Variants in KIF1A observed in about 807,000 individuals in gnomAD.
KIF1A encodes the protein kinesin-like protein KIF1A.
A neutral mutation model predicts 227.3 loss-of-function variants in KIF1A; 46 were observed. That is an observed-to-expected ratio of 0.20 (90% CI 0.16 to 0.26). KIF1A has a LOEUF of 0.26. KIF1A is among the 10% of genes least tolerant of loss of function. The pLI, the probability that KIF1A is intolerant of heterozygous loss-of-function variation, is 1.00. For synonymous variants in KIF1A, 1,022 were observed against 1,012.8 expected (o/e 1.01, Z -0.17); for missense variants, 1,683 against 2,485.9 (o/e 0.68, Z 6.87).
At chr2:240,761,134 A>G (rs2050474141) in intron 24 of KIF1A, 95 bp downstream of exon 24, 8 of 1,413,046 alleles carry the variant, frequency 5.7e-6, no homozygotes, top group Non-Finnish European at 7.8e-6. Flanking sequence ...GGGCCGGCAG[A>G]GAGCCAAGTG....
At chr2:240,787,367 G>A (rs1267030590) in intron 4 of KIF1A, 51 bp from the exon 5 acceptor site, 1 of 1,520,962 alleles carries the variant, frequency 6.6e-7, no homozygotes, top group Admixed American at 1.7e-5. Context: ...CTGCTCCCTG[G>A]ATCCCTGCCC....
intron 1 of KIF1A, among the ~76,000 whole-genome samples, chr2:240,810,090 AG>A (rs1319067030): frequency 1.3e-5 from 2 of 152,212 alleles, no homozygotes; most frequent in Non-Finnish European, 2.9e-5. Flanking sequence ...CTGGAATTAC[AG>A]GTGCGAGCCA....
At chr2:240,743,044 G>C in intron 33 of KIF1A, 60 bp from the exon 34 acceptor site, 1 of 1,367,104 alleles carries the variant, frequency 7.3e-7, no homozygotes, top group Non-Finnish European at 1.0e-6. Context: ...GGGTCAGAAG[G>C]AGACAGAAGG....
Position 240,719,732 on chromosome 2 carries a change from C to T in KIF1A, c.5021+42G>A, listed in dbSNP as rs1292300543. The stretch of plus-strand genomic sequence containing the variant: ...GGGTGGCCTGCCTGTCCCCTGTCAG[C>T]ACAGAGCTGGTGGCGGTGCTTTCCA... On this transcript the variant is annotated intron_variant, in intron 46 of 48. Coordinates refer to ENST00000498729, the MANE Select transcript of KIF1A (RefSeq NM_001244008.2). 5 of 1,498,944 alleles carry T rather than the reference C, an allele frequency of 3.3e-6. No individual in the cohort carries two copies. In the South Asian group the frequency reaches 4.0e-5, roughly 12 times the overall value. The allele number at this position is 1,498,944 out of a possible 1,614,324, so 92.9% of individuals were successfully genotyped here.
intron 6 of KIF1A, among the ~76,000 whole-genome samples, chr2:240,786,098 G>A (rs1048409218): frequency 2.6e-5 from 4 of 152,196 alleles, no homozygotes; most frequent in Admixed American, 1.3e-4. Context: ...GCCGGAGGAC[G>A]CAGACCCCCA....
chr2:240,759,578 C>T (rs1230854165), intron 25 of KIF1A, among the ~76,000 whole-genome samples: 1 of 77,686 alleles, frequency 1.3e-5, no homozygotes, highest in Non-Finnish European at 2.7e-5. Flanking sequence ...TACTCCTACT[C>T]CTCTCTGCCT....
At position 240,788,632 on chromosome 2, in the gene KIF1A, G is replaced by C. The variant is rs1270938866; in HGVS notation, c.184-402C>G. ...GGCTACAGCGCCTGGACACTGTCCTGAGGACAGTGGGGCACTTTAGGCAGG... is the reference window on the plus strand; with the variant it reads ...GGCTACAGCGCCTGGACACTGTCCTCAGGACAGTGGGGCACTTTAGGCAGG... On this transcript the variant is annotated intron_variant, in intron 3 of 48. Transcript: ENST00000498729. The surrounding 1 kb of genome is among the most constrained non-coding windows in gnomAD (Gnocchi z 6.6). 1.3e-5 allele frequency among the ~76,000 whole-genome samples: 2 copies of C among 152,068 alleles called. No homozygotes were observed. Among genetic ancestry groups the C allele is most frequent in the African/African-American group, 4.8e-5 (2 of 41,406 alleles).
intron 35 of KIF1A, 144 bp downstream of exon 35, chr2:240,741,125 G>A (rs764932359): frequency 1.8e-5 from 11 of 602,892 alleles, no homozygotes; most frequent in South Asian, 4.0e-5. Flanking sequence ...AGATGAGGCC[G>A]GGCCCACAAG....
At chr2:240,781,734 G>A (rs1026872475) in intron 10 of KIF1A, 2 of 973,104 alleles carry the variant, frequency 2.1e-6, no homozygotes, top group Non-Finnish European at 2.4e-6. Context: ...TTCCTCTCCC[G>A]TTCCCACACA....
intron 1 of KIF1A, among the ~76,000 whole-genome samples, chr2:240,814,668 T>C (rs748152011): frequency 1.3e-5 from 2 of 152,210 alleles, no homozygotes; most frequent in Non-Finnish European, 2.9e-5. Context: ...GGCTCATACC[T>C]AAAATCCCAG....
chr2:240,782,106 C>G, intron 10 of KIF1A: 2 of 985,378 alleles, frequency 2.0e-6, no homozygotes, highest in Non-Finnish European at 2.4e-6. Context: ...TCACACAGTC[C>G]CCAGCGTCGC....
chr2:240,800,897 G>A (rs964465277), intron 1 of KIF1A, among the ~76,000 whole-genome samples: 3 of 152,234 alleles, frequency 2.0e-5, no homozygotes, highest in Admixed American at 6.5e-5. Flanking sequence ...TAGCTCGGAC[G>A]AACCTTATGA....
chr2:240,752,668 C>T lies in KIF1A; in HGVS notation c.2859-2121G>A, dbSNP rs1387035923. Among the ~76,000 whole-genome samples the T allele has an allele frequency of 6.6e-6, 1 of 152,074 alleles. No homozygotes were observed. The highest frequency in any genetic ancestry group is 6.5e-5 in the Admixed American group (1 of 15,284). On this transcript the variant is annotated intron_variant, in intron 27 of 48. Transcript: ENST00000498729. The surrounding 1 kb of genome is among the most constrained non-coding windows in gnomAD (Gnocchi z 6.4). The stretch of plus-strand genomic sequence containing the variant: ...AGACGGGACAGCCCATGCTGTGGGG[C>T]TCTGAGCCAGCCCCTGCCCTCCAGC...
chr2:240,739,018 C>T lies in KIF1A; in HGVS notation c.3901+1040G>A, dbSNP rs1213787953. ...TTCTTAGGCTTGCCCTAAACAACCT[C>T]TGAAAGGAGGGTTTGGGTGCTTGTT... On this transcript the variant is annotated intron_variant, in intron 37 of 48. Transcript: ENST00000498729. This position sits in a 1 kb window ranked among gnomAD's most constrained non-coding sequence, Gnocchi z 5.6. 1.3e-5 allele frequency among the ~76,000 whole-genome samples: 2 copies of T among 152,266 alleles called. No homozygotes were observed. The highest frequency in any genetic ancestry group is 4.8e-5 in the African/African-American group (2 of 41,478).
rs1253011494 is a variant in KIF1A at position 240,792,290 on chromosome 2, C to T, written c.107-2978G>A. 6.6e-6 allele frequency among the ~76,000 whole-genome samples: 1 copy of T among 152,030 alleles called. No individual in the cohort carries two copies. The highest frequency in any genetic ancestry group is 2.4e-5 in the African/African-American group (1 of 41,392). On this transcript the variant is annotated intron_variant, in intron 2 of 48. Coordinates refer to ENST00000498729, the MANE Select transcript of KIF1A (RefSeq NM_001244008.2). This position sits in a 1 kb window ranked among gnomAD's most constrained non-coding sequence, Gnocchi z 4.5. ...TTTTTGCCAGGGTCTGGAATTTTTTCCTTGTGCAGGTTTGAGGAGGGAGGA... is the reference window on the plus strand; with the variant it reads ...TTTTTGCCAGGGTCTGGAATTTTTTTCTTGTGCAGGTTTGAGGAGGGAGGA...
rs1290427646 is a variant in KIF1A, at chr2:240,788,927, A to G, written c.183+309T>C. 6.6e-6 allele frequency among the ~76,000 whole-genome samples: 1 copy of G among 152,126 alleles called. No individual in the cohort carries two copies. Among genetic ancestry groups the G allele is most frequent in the Non-Finnish European group, 1.5e-5 (1 of 68,012 alleles). On this transcript the variant is annotated intron_variant, in intron 3 of 48. Transcript: ENST00000498729. This position sits in a 1 kb window ranked among gnomAD's most constrained non-coding sequence, Gnocchi z 6.6. ...TCCCAGCATGCAGGGCACAGCTTCCAGACAGGCTCAGGGTCAGCTTTGGGC... is the reference window on the plus strand; with the variant it reads ...TCCCAGCATGCAGGGCACAGCTTCCGGACAGGCTCAGGGTCAGCTTTGGGC...
chr2:240,782,120 A>C (rs1490035673), intron 10 of KIF1A: 1 of 985,172 alleles, frequency 1.0e-6, no homozygotes, highest in East Asian at 1.1e-4. Context: ...GCGTCGCCCC[A>C]GGCAGCTTCA....
chr2:240,745,481 C>G lies in KIF1A; in HGVS notation c.3411G>C (p.Glu1137Asp). Reference protein sequence around the residue: ...IHRHDEAFSTEPLKNTGRGPP... With the variant: ...IHRHDEAFSTDPLKNTGRGPP... ...GGCCTCTGCCTGTGTTCTTCAGGGG[C>G]TCTGTGGAGAAGGCCTCGTCGTGGC... The change falls in exon 32 of 49, where the codon GAG (glutamate) becomes GAC (aspartate). Residue 1137 changes from glutamate to aspartate, a missense_variant. Around this residue, in one of 12 missense-constraint regions of KIF1A, gnomAD observed 759 missense variants for 1,020.2 expected, o/e 0.74. Coordinates refer to ENST00000498729, the MANE Select transcript of KIF1A (RefSeq NM_001244008.2). 1 of 1,613,486 alleles carries G rather than the reference C, an allele frequency of 6.2e-7. No homozygotes were observed. Among genetic ancestry groups the G allele is most frequent in the Non-Finnish European group, 8.5e-7 (1 of 1,179,582 alleles).
chr2:240,806,932 A>G (rs2057447512), intron 1 of KIF1A, among the ~76,000 whole-genome samples: 2 of 152,104 alleles, frequency 1.3e-5, no homozygotes, highest in Non-Finnish European at 2.9e-5. Context: ...AAAGAGAGGG[A>G]AACACCCAAA....
Sources: gnomAD v4.1 joint callset for allele counts (sites outside exome capture counted in the v4.1 genomes callset) on GRCh38, gnomAD v4.1.1 for gene constraint, gnomAD v4.1.1 regional missense constraint, Gnocchi (gnomAD v3.1) non-coding constraint, MANE v1.5 for transcripts, NCBI Gene and HGNC (gene_info 2026-07-23, HGNC 2026-07-21) for gene names.